ANKRD11: variants seen among roughly 807,000 people sequenced by gnomAD.
ANKRD11 encodes the protein ankyrin repeat domain 11.
In ANKRD11, 17 loss-of-function variants were observed where a neutral mutation model predicts 195.7. The observed-to-expected ratio is 0.09, with a 90% CI of 0.06 to 0.13. ANKRD11 has a LOEUF of 0.13. ANKRD11 is among the 10% of genes least tolerant of loss of function. ANKRD11 has a pLI of 1.00. For missense variants in ANKRD11, 3,735 were observed against 3,566.1 expected (o/e 1.05, Z -1.21); for synonymous variants, 1,953 against 1,528.1 (o/e 1.28, Z -6.49).
At chr16:89,358,910 C>T (rs2039608286) in intron 2 of ANKRD11, among the ~76,000 whole-genome samples, 1 of 152,134 alleles carries the variant, frequency 6.6e-6, no homozygotes, top group African/African-American at 2.4e-5. Flanking sequence ...ACCACAGCCT[C>T]GACCTCCTGG....
intron 2 of ANKRD11, among the ~76,000 whole-genome samples, chr16:89,365,425 C>T (rs960794862): frequency 1.3e-5 from 2 of 152,220 alleles, no homozygotes; most frequent in Admixed American, 1.3e-4. Context: ...AGCCACTGAG[C>T]CCAACCAGGG....
chr16:89,477,935 G>A (rs903945988), intron 1 of ANKRD11, among the ~76,000 whole-genome samples: 1 of 151,836 alleles, frequency 6.6e-6, no homozygotes, highest in Non-Finnish European at 1.5e-5. Context: ...TCCAGTCTGG[G>A]GACAGAGCAA....
At chr16:89,276,632 G>A (rs1031400958) in intron 9 of ANKRD11, among the ~76,000 whole-genome samples, 3 of 152,236 alleles carry the variant, frequency 2.0e-5, no homozygotes. Context: ...CTGCCACAGC[G>A]TGGACGCACG....
chr16:89,376,094 C>T (rs990189413), intron 2 of ANKRD11, among the ~76,000 whole-genome samples: 1 of 152,172 alleles, frequency 6.6e-6, no homozygotes, highest in African/African-American at 2.4e-5. Context: ...TTGTGAAATA[C>T]CTTTTTATCT....
chr16:89,314,941 C>T (rs1001107765), intron 3 of ANKRD11, among the ~76,000 whole-genome samples: 1 of 152,292 alleles, frequency 6.6e-6, no homozygotes, highest in East Asian at 1.9e-4. Flanking sequence ...AGCATCAGAC[C>T]CTCAAGGGCA....
At chr16:89,464,187 G>A (rs1423601704) in intron 1 of ANKRD11, among the ~76,000 whole-genome samples, 2 of 150,128 alleles carry the variant, frequency 1.3e-5, no homozygotes, top group South Asian at 4.3e-4. Context: ...TGTAGCGAGC[G>A]AAGATCGCAC....
At chr16:89,375,180 G>A (rs2040366887) in intron 2 of ANKRD11, among the ~76,000 whole-genome samples, 1 of 152,078 alleles carries the variant, frequency 6.6e-6, no homozygotes, top group African/African-American at 2.4e-5. Flanking sequence ...CACAGCCTGT[G>A]CTACCGCGGT....
At chr16:89,321,712 AAG>A (rs1176769561) in intron 2 of ANKRD11, among the ~76,000 whole-genome samples, 2 of 152,164 alleles carry the variant, frequency 1.3e-5, no homozygotes, top group Non-Finnish European at 2.9e-5. Flanking sequence ...GAAAAAAAAA[AAG>A]ACTTCTTTGG....
intron 1 of ANKRD11, among the ~76,000 whole-genome samples, chr16:89,464,088 A>C (rs996112289): frequency 3.3e-5 from 5 of 151,892 alleles, no homozygotes; most frequent in Admixed American, 6.6e-5. Context: ...AAAATACAAA[A>C]ATTAATCAGG....
At position 89,291,441 on chromosome 16, in the gene ANKRD11, C is replaced by T. The variant is rs1426911337; in HGVS notation, c.227-258G>A. 2.0e-5 allele frequency among the ~76,000 whole-genome samples: 3 copies of T among 152,132 alleles called. No individual in the cohort carries two copies. Among genetic ancestry groups the T allele is most frequent in the Non-Finnish European group, 2.9e-5 (2 of 68,012 alleles). ...AAGTCTGCTAAGCCTGGGCCTCCAC[C>T]GAGCATCCACTCACTCCAGGCACCT... On this transcript the variant is annotated intron_variant, in intron 4 of 12. Coordinates refer to ENST00000301030, the MANE Select transcript of ANKRD11 (RefSeq NM_013275.6). The surrounding 1 kb of genome is among the most constrained non-coding windows in gnomAD (Gnocchi z 5.3).
rs529037052 is a variant in ANKRD11 at position 89,465,750 on chromosome 16, G to A, written c.-145+24495C>T. ...GACGGAGTCGGAGTCTCGCTCTGTC[G>A]CCCAGGCTGGAGTGCAGTGACACGA... is the stretch of plus-strand genomic sequence containing the variant. On this transcript the variant is annotated intron_variant, in intron 1 of 12. Coordinates refer to ENST00000301030, the MANE Select transcript of ANKRD11 (RefSeq NM_013275.6). 8.5e-5 allele frequency among the ~76,000 whole-genome samples: 13 copies of A among 152,118 alleles called. No individual in the cohort carries two copies. The South Asian group carries it at 2.1e-3, about 24-fold the overall frequency.
chr16:89,443,643 G>A (rs2043634367), intron 1 of ANKRD11, among the ~76,000 whole-genome samples: 1 of 152,186 alleles, frequency 6.6e-6, no homozygotes, highest in Admixed American at 6.5e-5. Context: ...GCACCCAGAA[G>A]GCTACCAGAC....
chr16:89,279,912 C>A lies in ANKRD11; in HGVS notation c.6630G>T (p.Glu2210Asp). Reference sequence around the variant, plus strand: ...CTTCTAGAGCCACGTCCAGCTTTGGCTCCCCTGAGGGCTCAGGCTCGAGCT... The same window carrying A: ...CTTCTAGAGCCACGTCCAGCTTTGGATCCCCTGAGGGCTCAGGCTCGAGCT... ...PAELEPEPSG[E>D]PKLDVALEAA... The change falls in exon 9 of 13, where the codon GAG becomes GAT. Residue 2210 changes from glutamate to aspartate, a missense_variant. Physicochemically the swap from Glu to Asp is conservative, Grantham distance 45. Transcript: ENST00000301030. The surrounding 1 kb of genome is among the most constrained non-coding windows in gnomAD (Gnocchi z 5.6). 1 of 1,609,296 alleles carries A rather than the reference C, an allele frequency of 6.2e-7. No individual in the cohort carries two copies. Among genetic ancestry groups the A allele is most frequent in the African/African-American group, 1.3e-5 (1 of 75,002 alleles).
intron 4 of ANKRD11, among the ~76,000 whole-genome samples, chr16:89,304,216 G>T (rs1049727529): frequency 6.6e-6 from 1 of 152,216 alleles, no homozygotes; most frequent in African/African-American, 2.4e-5. Flanking sequence ...TGTCACTGCA[G>T]AAGGCGCTGA....
intron 2 of ANKRD11, among the ~76,000 whole-genome samples, chr16:89,390,335 A>G (rs997552350): frequency 4.0e-5 from 6 of 151,708 alleles, no homozygotes; most frequent in Non-Finnish European, 7.4e-5. Context: ...GACAGAGAAG[A>G]TCACTGGGGC....
intron 2 of ANKRD11, among the ~76,000 whole-genome samples, chr16:89,370,093 T>C (rs775257840): frequency 6.6e-6 from 1 of 152,222 alleles, no homozygotes; most frequent in East Asian, 1.9e-4. Flanking sequence ...ATCTCAGGCA[T>C]GGCAGGAAGA....
chr16:89,288,265 C>T (rs1378518516), intron 7 of ANKRD11: 4 of 639,868 alleles, frequency 6.3e-6, no homozygotes, highest in Non-Finnish European at 1.1e-5. Context: ...TGCTCAAATC[C>T]AACCAGACCT....
At chr16:89,329,899 G>A (rs1423510524) in intron 2 of ANKRD11, among the ~76,000 whole-genome samples, 1 of 152,004 alleles carries the variant, frequency 6.6e-6, no homozygotes, top group Non-Finnish European at 1.5e-5. Context: ...CCAGCTACTT[G>A]GGAGGCTGAG....
rs1361865813 is a variant in ANKRD11, at chr16:89,291,113, G to T, written c.297C>A (p.Gly99=). 2.5e-6 allele frequency: 4 copies of T among 1,613,944 alleles called. No individual in the cohort carries two copies. In the East Asian group the frequency reaches 6.7e-5, roughly 27 times the overall value. Residue 99 remains glycine (G), a synonymous_variant, in exon 5 of 13, where the codon GGC becomes GGA. Transcript: ENST00000301030. This position sits in a 1 kb window ranked among gnomAD's most constrained non-coding sequence, Gnocchi z 5.3. ...CGGCTCGGATTCCAGACAGCCCCAT[G>T]CCAAACAGCAGCCCGGCCTTCCGGG... ...PVTRKAGLLF[G]MGLSGIRAGY...
Sources: gnomAD v4.1 joint callset for allele counts (sites outside exome capture counted in the v4.1 genomes callset) on GRCh38, gnomAD v4.1.1 for gene constraint, Gnocchi (gnomAD v3.1) non-coding constraint, MANE v1.5 for transcripts, NCBI Gene and HGNC (gene_info 2026-07-23, HGNC 2026-07-21) for gene names.